Variants in ELAVL4 observed in about 807,000 individuals in gnomAD.
ELAVL4 encodes ELAV-like protein 4.
ELAVL4 carries 1 observed loss-of-function variant against 35.6 expected under a neutral mutation model. The observed-to-expected ratio is 0.03, with a 90% confidence interval of 0.01 to 0.13. The LOEUF (loss-of-function observed/expected upper bound fraction) is 0.13. Among genes scored for constraint, ELAVL4 ranks in the 10% least tolerant of loss-of-function variants. The probability of loss-of-function intolerance (pLI) is 1.00; values close to 1 mark genes in which losing one functional copy is unlikely to be tolerated. For synonymous variants in ELAVL4, 156 were observed against 171.0 expected (o/e 0.91, Z 0.69); for missense variants, 267 against 464.9 (o/e 0.57, Z 3.91).
chr1:50,163,099 G>C (rs1677086975), intron 2 of ELAVL4, among the ~76,000 whole-genome samples: 1 of 152,094 alleles, frequency 6.6e-6, no homozygotes, highest in Admixed American at 6.5e-5. Context: ...CTTTCTTCTC[G>C]AGGAATGGGT....
At chr1:50,147,949 G>A (rs1050267501) in intron 2 of ELAVL4, among the ~76,000 whole-genome samples, 1 of 152,214 alleles carries the variant, frequency 6.6e-6, no homozygotes, top group African/African-American at 2.4e-5. Context: ...CTTACCAGCA[G>A]GCTAGATTCA....
chr1:50,059,662 G>A (rs1663858517), intron 1 of ELAVL4, among the ~76,000 whole-genome samples: 1 of 152,080 alleles, frequency 6.6e-6, no homozygotes, highest in East Asian at 1.9e-4. Flanking sequence ...GTACACACAT[G>A]TTCATAGAGG....
intron 1 of ELAVL4, among the ~76,000 whole-genome samples, chr1:50,077,204 G>A (rs957526049): frequency 1.3e-5 from 2 of 152,154 alleles, no homozygotes; most frequent in Non-Finnish European, 2.9e-5. Context: ...AGGTGTAGGG[G>A]AGACATATAG....
intron 1 of ELAVL4, among the ~76,000 whole-genome samples, chr1:50,072,530 T>C (rs1217434740): frequency 6.6e-6 from 1 of 152,154 alleles, no homozygotes; most frequent in East Asian, 1.9e-4. Flanking sequence ...CACTGATGAA[T>C]GACAAAAGTT....
intron 1 of ELAVL4, among the ~76,000 whole-genome samples, chr1:50,060,487 T>G (rs1397113017): frequency 6.6e-6 from 1 of 152,214 alleles, no homozygotes; most frequent in Non-Finnish European, 1.5e-5. Context: ...CATAGAGAAC[T>G]GGTGGCAGAG....
chr1:50,118,301 T>A (rs1391321049), intron 1 of ELAVL4, among the ~76,000 whole-genome samples: 2 of 152,040 alleles, frequency 1.3e-5, no homozygotes, highest in African/African-American at 4.8e-5. Context: ...CACGGAATGG[T>A]GAAGAGGTTG....
chr1:50,170,770 G>GGCC (rs889285327), intron 2 of ELAVL4, among the ~76,000 whole-genome samples: 2 of 152,112 alleles, frequency 1.3e-5, no homozygotes, highest in Non-Finnish European at 2.9e-5. Context: ...TGGGCATGGT[G>GGCC]GCCTGTAATC....
At chr1:50,054,815 A>G (rs1401518179) in intron 1 of ELAVL4, among the ~76,000 whole-genome samples, 1 of 152,166 alleles carries the variant, frequency 6.6e-6, no homozygotes, top group Non-Finnish European at 1.5e-5. Context: ...TAGCTTCATC[A>G]ACAAGCTCCC....
intron 1 of ELAVL4, among the ~76,000 whole-genome samples, chr1:50,087,694 A>T (rs1462858536): frequency 6.6e-6 from 1 of 152,148 alleles, no homozygotes; most frequent in South Asian, 2.1e-4. Context: ...AAATGAGGTT[A>T]TAAGGGTAGG....
chr1:50,179,915 G>A (rs1025032296), intron 3 of ELAVL4: 1 of 152,172 alleles, frequency 6.6e-6, no homozygotes, highest in African/African-American at 2.4e-5. Context: ...AAAGAAGACA[G>A]CTATTCTGCT....
intron 1 of ELAVL4, among the ~76,000 whole-genome samples, chr1:50,118,702 C>T (rs1158173018): frequency 6.6e-6 from 1 of 151,810 alleles, no homozygotes; most frequent in East Asian, 1.9e-4. Context: ...TAAATGGGGA[C>T]CTGTTGCTGT....
At chr1:50,087,482 C>G (rs1367848192) in intron 1 of ELAVL4, among the ~76,000 whole-genome samples, 1 of 152,114 alleles carries the variant, frequency 6.6e-6, no homozygotes. Context: ...CTAAAATAAC[C>G]TATTGAAGAT....
chr1:50,139,758 G>A (rs1163624779), intron 1 of ELAVL4, among the ~76,000 whole-genome samples: 1 of 152,154 alleles, frequency 6.6e-6, no homozygotes, highest in Non-Finnish European at 1.5e-5. Flanking sequence ...CTGAGCCTCT[G>A]CTCCTTACCT....
chr1:50,173,906 G>A (rs568324821), intron 2 of ELAVL4, among the ~76,000 whole-genome samples: 3 of 152,256 alleles, frequency 2.0e-5, no homozygotes, highest in South Asian at 4.2e-4. Flanking sequence ...CTAGCTCTGG[G>A]CTCCAGACTG....
intron 3 of ELAVL4, chr1:50,179,939 G>T (rs1557843260): frequency 6.6e-6 from 1 of 152,132 alleles, no homozygotes; most frequent in South Asian, 2.1e-4. Context: ...GCTGCTAACT[G>T]TTTAAACCCA....
At chr1:50,068,131 T>C (rs1278042241) in intron 1 of ELAVL4, among the ~76,000 whole-genome samples, 1 of 152,146 alleles carries the variant, frequency 6.6e-6, no homozygotes, top group African/African-American at 2.4e-5. Flanking sequence ...CATTAAGTGC[T>C]GTAAGGAAAA....
chr1:50,075,105 G>A (rs1025634029), intron 1 of ELAVL4, among the ~76,000 whole-genome samples: 4 of 152,204 alleles, frequency 2.6e-5, no homozygotes, highest in African/African-American at 7.2e-5. Flanking sequence ...AAGGAAGTGA[G>A]TAGGATGAAG....
intron 1 of ELAVL4, among the ~76,000 whole-genome samples, chr1:50,093,587 T>C (rs1361519335): frequency 3.9e-5 from 6 of 152,158 alleles, no homozygotes; most frequent in Non-Finnish European, 8.8e-5. Context: ...TAATTATTAA[T>C]AGAGACTCCT....
In ELAVL4 at chr1:50,124,691, C is replaced by CAGGTGA. The variant is rs1317392440; in HGVS notation, c.9+15495_9+15496insGTGAAG. On this transcript the variant is annotated intron_variant, in intron 1 of 6. Coordinates refer to ENST00000371824, the MANE Select transcript of ELAVL4 (RefSeq NM_001144774.3). Reference sequence around the variant, plus strand: ...AGACTGCAGTGCAGTGGTGCAATCACAGCTCACTGCAGCTTCAACTTCCCA... The same window carrying CAGGTGA: ...AGACTGCAGTGCAGTGGTGCAATCACAGGTGAAGCTCACTGCAGCTTCAACTTCCCA... 3.9e-5 allele frequency among the ~76,000 whole-genome samples: 6 copies of CAGGTGA among 152,214 alleles called. No homozygotes were observed. In the East Asian group the frequency reaches 9.7e-4, roughly 25 times the overall value.
Sources: gnomAD v4.1 joint callset for allele counts (sites outside exome capture counted in the v4.1 genomes callset) on GRCh38, gnomAD v4.1.1 for gene constraint, MANE v1.5 for transcripts, NCBI Gene and HGNC (gene_info 2026-07-23, HGNC 2026-07-21) for gene names.